Variants in SLC24A2 observed in about 807,000 individuals in gnomAD.
The protein encoded by SLC24A2 is solute carrier family 24 member 2, also known as sodium/potassium/calcium exchanger 2.
SLC24A2 carries 36 observed loss-of-function variants against 62.0 expected under a neutral mutation model. That is an observed-to-expected ratio of 0.58 (90% CI 0.44 to 0.77). The LOEUF is 0.77. SLC24A2 is among the 30% of genes least tolerant of loss of function. SLC24A2 has a pLI of 0.00. For missense variants in SLC24A2, 846 were observed against 817.9 expected, an observed-to-expected ratio of 1.03 and a Z score of -0.42; for synonymous variants, 358 against 294.0, an observed-to-expected ratio of 1.22 and a Z score of -2.23.
At chr9:20,097,720 ATTTTTTTTTTTTTTTTTTTT>A in the SLC24A2 span, among the ~76,000 whole-genome samples, 720 of 69,140 alleles carry the variant, frequency 0.01, 21 homozygotes, top group African/African-American at 0.036. Context: ...ATCTTAAATA[ATTTTTTTTTTTTTTTTTTTT>A]TTTTTTTTTT....
chr9:20,299,663 T>C, the SLC24A2 span, among the ~76,000 whole-genome samples: 1 of 152,204 alleles, frequency 6.6e-6, no homozygotes, highest in African/African-American at 2.4e-5. Flanking sequence ...CTCTCCCTAT[T>C]CCTTACCCCC....
At position 19,573,383 on chromosome 9, in the gene SLC24A2, G is replaced by T; in HGVS notation, c.1315C>A (p.Leu439Ile). The T allele has an allele frequency of 6.2e-7, 1 of 1,613,412 alleles. No homozygotes were observed. Among genetic ancestry groups the T allele is most frequent in the Non-Finnish European group, 8.5e-7 (1 of 1,179,470 alleles). Residue 439 changes from leucine (L) to isoleucine (I), a missense_variant, in exon 7 of 11, where the codon CTC becomes ATC. Coordinates refer to ENST00000341998, the MANE Select transcript of SLC24A2 (RefSeq NM_020344.4). Reference protein sequence around the residue: ...DASEPVQNGNLSHNIEGAEAQ... With the variant: ...DASEPVQNGNISHNIEGAEAQ... ...TCTGCACCTTCAATGTTGTGGGAGAGATTTCCATTTTGTACAGGTTCTGAA... is the reference window on the plus strand; with the variant it reads ...TCTGCACCTTCAATGTTGTGGGAGATATTTCCATTTTGTACAGGTTCTGAA...
chr9:19,763,617 T>C (rs1298171969), intron 2 of SLC24A2, among the ~76,000 whole-genome samples: 1 of 152,220 alleles, frequency 6.6e-6, no homozygotes, highest in African/African-American at 2.4e-5. Context: ...ATTATGTTTA[T>C]TGATTTGCAT....
chr9:20,023,989 G>A, the SLC24A2 span, among the ~76,000 whole-genome samples: 2 of 152,168 alleles, frequency 1.3e-5, no homozygotes, highest in African/African-American at 4.8e-5. Flanking sequence ...AGATAGAGCT[G>A]GTTAATCTAG....
chr9:20,037,865 C>T, the SLC24A2 span, among the ~76,000 whole-genome samples: 1 of 152,200 alleles, frequency 6.6e-6, no homozygotes, highest in African/African-American at 2.4e-5. Flanking sequence ...GAGCCCAGCT[C>T]TTCAACTAAG....
the SLC24A2 span, among the ~76,000 whole-genome samples, chr9:20,008,138 C>T: frequency 2.0e-5 from 3 of 151,838 alleles, no homozygotes; most frequent in African/African-American, 7.3e-5. Context: ...TCAAGTGATC[C>T]ACCCACCTCA....
the SLC24A2 span, among the ~76,000 whole-genome samples, chr9:20,122,064 G>C: frequency 6.6e-6 from 1 of 152,150 alleles, no homozygotes; most frequent in Non-Finnish European, 1.5e-5. Context: ...AGATGAGCTG[G>C]GGGCACCAAA....
intron 7 of SLC24A2, among the ~76,000 whole-genome samples, chr9:19,560,213 A>C (rs1586959726): frequency 6.6e-6 from 1 of 152,088 alleles, no homozygotes; most frequent in South Asian, 2.1e-4. Flanking sequence ...ATATGATAGA[A>C]ACCAGAGAGC....
chr9:20,062,226 C>T, the SLC24A2 span, among the ~76,000 whole-genome samples: 6 of 152,102 alleles, frequency 3.9e-5, no homozygotes, highest in African/African-American at 1.4e-4. Context: ...AAGACCTTCT[C>T]TCGAAACAAT....
Position 19,550,059 on chromosome 9 carries a change from A to G in SLC24A2, c.1479+78T>C, listed in dbSNP as rs1337654440. On this transcript the variant is annotated intron_variant, in intron 8 of 10. Coordinates refer to ENST00000341998, the MANE Select transcript of SLC24A2 (RefSeq NM_020344.4). ...AGTGTACTTCCTTTTTCCTTTTAAC[A>G]CAAACTGAAGCAGACTATGCACCCT... is the stretch of plus-strand genomic sequence containing the variant. 3 of 1,474,094 alleles carry G rather than the reference A, an allele frequency of 2.0e-6. No homozygotes were observed. In the East Asian group the frequency reaches 6.8e-5, roughly 34 times the overall value. The allele number at this position is 1,474,094 out of a possible 1,614,324, so 91.3% of individuals were successfully genotyped here. A position where few individuals can be genotyped will look rare whatever the true frequency, so the allele number is the denominator to read the frequency against.
At chr9:19,795,183 C>T in the SLC24A2 span, among the ~76,000 whole-genome samples, 3 of 152,212 alleles carry the variant, frequency 2.0e-5, no homozygotes, top group Non-Finnish European at 2.9e-5. Context: ...CCTCCATCTC[C>T]TCCATACAGT....
At chr9:20,073,657 A>C in the SLC24A2 span, among the ~76,000 whole-genome samples, 59 of 152,036 alleles carry the variant, frequency 3.9e-4, no homozygotes, top group Admixed American at 2.2e-3. Context: ...TGTATATTTA[A>C]CTTCCACAGG....
At chr9:20,306,821 C>T in the SLC24A2 span, among the ~76,000 whole-genome samples, 1 of 152,182 alleles carries the variant, frequency 6.6e-6, no homozygotes, top group South Asian at 2.1e-4. Flanking sequence ...CTCAGCCTCC[C>T]AAGTAGCTGG....
the SLC24A2 span, among the ~76,000 whole-genome samples, chr9:19,938,310 AAT>A: frequency 2.0e-5 from 3 of 152,180 alleles, no homozygotes; most frequent in Non-Finnish European, 4.4e-5. Flanking sequence ...TAGGTTCTTT[AAT>A]ATACTATTTC....
chr9:19,971,992 T>C, the SLC24A2 span, among the ~76,000 whole-genome samples: 4 of 152,128 alleles, frequency 2.6e-5, no homozygotes, highest in South Asian at 2.1e-4. Flanking sequence ...AACTAACAAG[T>C]AGAGCTAGAT....
At chr9:19,585,377 A>C (rs1296968405) in intron 5 of SLC24A2, among the ~76,000 whole-genome samples, 1 of 152,208 alleles carries the variant, frequency 6.6e-6, no homozygotes, top group Non-Finnish European at 1.5e-5. Flanking sequence ...AACAAGCTTC[A>C]TCCTTTTCAA....
intron 2 of SLC24A2, among the ~76,000 whole-genome samples, chr9:19,693,133 T>C (rs900560145): frequency 1.5e-4 from 23 of 152,156 alleles, no homozygotes; most frequent in African/African-American, 5.5e-4. Flanking sequence ...AGTTCCAGGG[T>C]ACATGTGCAC....
the SLC24A2 span, among the ~76,000 whole-genome samples, chr9:20,192,812 T>A: frequency 6.6e-6 from 1 of 152,158 alleles, no homozygotes; most frequent in East Asian, 1.9e-4. Context: ...TGAGAACCAC[T>A]GCACTGCAAA....
chr9:20,276,884 G>T, the SLC24A2 span, among the ~76,000 whole-genome samples: 1 of 152,204 alleles, frequency 6.6e-6, no homozygotes, highest in Admixed American at 6.5e-5. Flanking sequence ...TTTAGCCACT[G>T]CTGGGACACA....
Sources: gnomAD v4.1 joint callset for allele counts (sites outside exome capture counted in the v4.1 genomes callset) on GRCh38, gnomAD v4.1.1 for gene constraint, MANE v1.5 for transcripts, NCBI Gene and HGNC (gene_info 2026-07-23, HGNC 2026-07-21) for gene names.